ARFGEF1: variants seen among roughly 807,000 people sequenced by gnomAD.
ARFGEF1 encodes brefeldin A-inhibited guanine nucleotide-exchange protein 1.
In ARFGEF1, 42 loss-of-function variants were observed where a neutral mutation model predicts 231.0. The observed-to-expected ratio is 0.18, with a 90% CI of 0.14 to 0.24. ARFGEF1 has a LOEUF of 0.24. ARFGEF1 is among the 10% of genes least tolerant of loss of function. The pLI, the probability that ARFGEF1 is intolerant of heterozygous loss-of-function variation, is 1.00. For synonymous variants in ARFGEF1, 710 were observed against 732.3 expected (o/e 0.97, Z 0.49); for missense variants, 1,345 against 2,192.0 (o/e 0.61, Z 7.72).
At chr8:67,259,225 A>G (rs1005611291) in intron 15 of ARFGEF1, among the ~76,000 whole-genome samples, 2 of 152,104 alleles carry the variant, frequency 1.3e-5, no homozygotes, top group African/African-American at 4.8e-5. Context: ...TATAACCAAG[A>G]CATCTTTCTG....
At chr8:67,311,452 A>C (rs9693662) in intron 1 of ARFGEF1, among the ~76,000 whole-genome samples, 125,376 of 125,542 alleles carry the variant, frequency 1, 62,605 homozygotes, top group Middle Eastern at 1. Flanking sequence ...CCGCCCCATC[A>C]GGGAGGGAGG....
intron 1 of ARFGEF1, among the ~76,000 whole-genome samples, chr8:67,326,362 CA>C (rs1199847951): frequency 6.6e-6 from 1 of 152,178 alleles, no homozygotes; most frequent in Admixed American, 6.5e-5. Context: ...GAAGTATCTG[CA>C]AGAGTAAATC....
chr8:67,219,667 A>T, intron 29 of ARFGEF1, 107 bp from the exon 30 acceptor site: 2 of 1,208,760 alleles, frequency 1.7e-6, no homozygotes, highest in Non-Finnish European at 1.1e-6. Context: ...GCTTAAAACT[A>T]GTCTGAAATT....
chr8:67,234,412 C>G (rs180758288), intron 22 of ARFGEF1, among the ~76,000 whole-genome samples: 2 of 152,102 alleles, frequency 1.3e-5, no homozygotes, highest in African/African-American at 4.8e-5. Flanking sequence ...AAAGGCTTCA[C>G]ATATGATGAA....
chr8:67,331,842 T>C (rs1031638723), intron 1 of ARFGEF1, among the ~76,000 whole-genome samples: 3 of 152,218 alleles, frequency 2.0e-5, no homozygotes, highest in Non-Finnish European at 4.4e-5. Context: ...CTGTTGTTTA[T>C]TTGTACCTAG....
intron 1 of ARFGEF1, among the ~76,000 whole-genome samples, chr8:67,318,019 C>T (rs1343992659): frequency 2.0e-5 from 3 of 151,548 alleles, no homozygotes; most frequent in South Asian, 2.1e-4. Context: ...GGGTGGATCA[C>T]GAGGTCAGGA....
downstream of ARFGEF1, chr8:67,195,252 CA>C: frequency 1.4e-6 from 1 of 725,388 alleles, no homozygotes; most frequent in South Asian, 1.6e-5. Flanking sequence ...AACAAACAAA[CA>C]GTAGAGTTCA....
chr8:67,277,484 C>A, intron 7 of ARFGEF1, 27 bp from the exon 8 acceptor site: 1 of 1,592,244 alleles, frequency 6.3e-7, no homozygotes, highest in Non-Finnish European at 8.6e-7. Flanking sequence ...AAAAACCATG[C>A]AAATATATCT....
At chr8:67,240,519 T>G (rs1839897042) in intron 19 of ARFGEF1, among the ~76,000 whole-genome samples, 1 of 152,172 alleles carries the variant, frequency 6.6e-6, no homozygotes, top group Non-Finnish European at 1.5e-5. Context: ...TTTTAAGAAC[T>G]GTACCTATAA....
intron 1 of ARFGEF1, among the ~76,000 whole-genome samples, chr8:67,326,061 T>C (rs1807817565): frequency 6.6e-6 from 1 of 152,152 alleles, no homozygotes; most frequent in Non-Finnish European, 1.5e-5. Context: ...TAGCCAGGCA[T>C]GGTGGCATGC....
intron 34 of ARFGEF1, among the ~76,000 whole-genome samples, chr8:67,207,546 T>A (rs1448859816): frequency 6.6e-6 from 1 of 152,242 alleles, no homozygotes; most frequent in African/African-American, 2.4e-5. Flanking sequence ...GGTCTGACAC[T>A]GCCAGGGTTA....
chr8:67,307,123 A>G (rs185173792), intron 1 of ARFGEF1, among the ~76,000 whole-genome samples: 8 of 152,370 alleles, frequency 5.3e-5, no homozygotes, highest in African/African-American at 1.7e-4. Context: ...CTACACATCC[A>G]AAGCATTGTC....
At position 67,258,225 on chromosome 8, in the gene ARFGEF1, C is replaced by T. The variant is rs1840522179; in HGVS notation, c.2301G>A (p.Val767=). 6.2e-7 allele frequency: 1 copy of T among 1,611,088 alleles called. No homozygotes were observed. The highest frequency in any genetic ancestry group is 1.3e-5 in the African/African-American group (1 of 74,848). Residue 767 remains valine, a synonymous_variant, in exon 16 of 39, where the codon GTG becomes GTA. Coordinates refer to ENST00000262215, the MANE Select transcript of ARFGEF1 (RefSeq NM_006421.5). ...CTTTTCCTGAAAAGTCATGTTGGTC[C>T]ACATATGCATACATGACTTCTTTGT... ...KFNKEVMYAY[V]DQHDFSGKDF...
intron 7 of ARFGEF1, among the ~76,000 whole-genome samples, chr8:67,286,462 G>T (rs1024495203): frequency 2.6e-5 from 4 of 152,084 alleles, no homozygotes; most frequent in Non-Finnish European, 4.4e-5. Flanking sequence ...TTTAGAGGTC[G>T]TACAATCTCT....
intron 22 of ARFGEF1, among the ~76,000 whole-genome samples, chr8:67,235,080 ATATATG>A (rs1328262330): frequency 6.8e-6 from 1 of 146,004 alleles, no homozygotes; most frequent in Admixed American, 6.8e-5. Context: ...GTATATATAT[ATATATG>A]TGTGTGTGTG....
intron 19 of ARFGEF1, among the ~76,000 whole-genome samples, chr8:67,250,615 G>C (rs1409478891): frequency 6.6e-6 from 1 of 152,146 alleles, no homozygotes; most frequent in Admixed American, 6.6e-5. Flanking sequence ...GTGAGCATCG[G>C]ATTATGATCT....
intron 1 of ARFGEF1, among the ~76,000 whole-genome samples, chr8:67,337,042 T>C (rs1401460369): frequency 7.2e-6 from 1 of 138,724 alleles, no homozygotes; most frequent in African/African-American, 2.7e-5. Context: ...GGCAGGAGAA[T>C]GGCGTGAACT....
In ARFGEF1 at chr8:67,224,923, G is replaced by A. The variant is rs1397520316; in HGVS notation, c.4188C>T (p.Cys1396=). ...GTTACCTGGTTCTTACATCTAATTT[G>A]CATCTATTGATGATACAGGATAACT... ...LFELSCIINR[C]KLDVRTRGLT... The change falls in exon 29 of 39, where the codon TGC becomes TGT. Residue 1396 remains cysteine, a synonymous_variant. Coordinates refer to ENST00000262215, the MANE Select transcript of ARFGEF1 (RefSeq NM_006421.5). The A allele has an allele frequency of 6.4e-7, 1 of 1,564,110 alleles. No homozygotes were observed. The highest frequency in any genetic ancestry group is 8.7e-7 in the Non-Finnish European group (1 of 1,155,946).
intron 1 of ARFGEF1, among the ~76,000 whole-genome samples, chr8:67,339,110 G>A (rs367626545): frequency 3.9e-5 from 6 of 152,108 alleles, no homozygotes; most frequent in African/African-American, 9.7e-5. Context: ...TATAATTACA[G>A]GTAATAGACT....
Sources: gnomAD v4.1 joint callset for allele counts (sites outside exome capture counted in the v4.1 genomes callset) on GRCh38, gnomAD v4.1.1 for gene constraint, MANE v1.5 for transcripts, NCBI Gene and HGNC (gene_info 2026-07-23, HGNC 2026-07-21) for gene names.